The following CALR variants were observed in gnomAD, a reference collection of about 807,000 sequenced individuals.
The protein encoded by CALR is CRP55.
Under a neutral mutation model 51.1 loss-of-function variants are expected in CALR, and 15 were observed. The ratio of observed to expected loss-of-function variants is 0.29; its 90% CI spans 0.20 to 0.45. The LOEUF is 0.45. Ranked by LOEUF, CALR falls within the 20% of genes least tolerant of loss-of-function variation. The pLI is 1.00. For missense variants in CALR, 477 were observed against 530.6 expected (o/e 0.90, Z 0.99); for synonymous variants, 239 against 205.9 (o/e 1.16, Z -1.38).
At chr19:12,939,027 G>C (rs939458679) in intron 1 of CALR, 107 bp from the exon 2 acceptor site, 1 of 762,898 alleles carries the variant, frequency 1.3e-6, no homozygotes, top group African/African-American at 1.7e-5. Flanking sequence ...GGGGAGTGTC[G>C]GGGATCTCCT....
chr19:12,941,262 T>G (rs2146017006), intron 7 of CALR, among the ~76,000 whole-genome samples: 1 of 152,156 alleles, frequency 6.6e-6, no homozygotes, highest in South Asian at 2.1e-4. Flanking sequence ...TCAACCTAGC[T>G]TGGCAACACA....
At chr19:12,943,425 C>A in intron 7 of CALR, 112 bp from the exon 8 acceptor site, 1 of 923,260 alleles carries the variant, frequency 1.1e-6, no homozygotes, top group Non-Finnish European at 1.8e-6. Flanking sequence ...CTTGTCTTCT[C>A]TGCAGATGCA....
rs891306648 is a variant in CALR at position 12,939,420 on chromosome 19, C to T, written c.194-8C>T. On this transcript the variant is annotated splice_polypyrimidine_tract_variant and splice_region_variant and intron_variant, in intron 2 of 8. Transcript: ENST00000316448. Reference sequence around the variant, plus strand: ...CCCAACGGTGACCTCACTACCGTCCCGTCTCAGGTTTGCAGACAAGCCAGG... The same window carrying T: ...CCCAACGGTGACCTCACTACCGTCCTGTCTCAGGTTTGCAGACAAGCCAGG... The T allele has an allele frequency of 8.7e-6, 14 of 1,612,168 alleles. No individual in the cohort carries two copies. The highest frequency in any genetic ancestry group is 1.1e-5 in the Non-Finnish European group (13 of 1,179,898).
chr19:12,939,366 T>C lies in CALR; in HGVS notation c.194-62T>C. 3 of 1,555,584 alleles carry C rather than the reference T, an allele frequency of 1.9e-6. No homozygotes were observed. The South Asian group carries it at 3.3e-5, about 17-fold the overall frequency. ...GGAAGTGGGGGAGTCTTCTCTATTCTCTAAGTCGAGGGTCCTCGCGAGTCA... is the reference window on the plus strand; with the variant it reads ...GGAAGTGGGGGAGTCTTCTCTATTCCCTAAGTCGAGGGTCCTCGCGAGTCA... On this transcript the variant is annotated intron_variant, in intron 2 of 8. Transcript: ENST00000316448.
chr19:12,942,722 G>A (rs1040577892), intron 7 of CALR, among the ~76,000 whole-genome samples: 24 of 150,802 alleles, frequency 1.6e-4, no homozygotes, highest in African/African-American at 5.9e-4. Flanking sequence ...ATCCTCTCGA[G>A]CAGCTGGAAT....
chr19:12,939,007 A>G (rs1217994717), intron 1 of CALR, 127 bp from the exon 2 acceptor site: 4 of 731,268 alleles, frequency 5.5e-6, no homozygotes, highest in Non-Finnish European at 9.8e-6. Flanking sequence ...GTCAAACTAG[A>G]GGTTGGAATG....
At chr19:12,939,289 C>T in intron 2 of CALR, 54 bp downstream of exon 2, 1 of 1,441,118 alleles carries the variant, frequency 6.9e-7, no homozygotes, top group South Asian at 1.2e-5. Context: ...GGCAGAAGTC[C>T]TTGTCTGTAC....
chr19:12,943,531 C>T lies in CALR; in HGVS notation c.961-6C>T, dbSNP rs1325546054. 1.2e-6 allele frequency: 2 copies of T among 1,613,264 alleles called. No homozygotes were observed. Among genetic ancestry groups the T allele is most frequent in the Non-Finnish European group, 1.7e-6 (2 of 1,179,334 alleles). On this transcript the variant is annotated splice_polypyrimidine_tract_variant and splice_region_variant and intron_variant, in intron 7 of 8. Transcript: ENST00000316448. ...CCTCTGACCATCCTTCCCATTCATCCTCCAGGTCAAGTCTGGCACCATCTT... is the reference window on the plus strand; with the variant it reads ...CCTCTGACCATCCTTCCCATTCATCTTCCAGGTCAAGTCTGGCACCATCTT...
chr19:12,938,609 G>C lies in CALR; in HGVS notation c.-71G>C. 8.2e-7 allele frequency: 1 copy of C among 1,214,448 alleles called. No homozygotes were observed. Among genetic ancestry groups the C allele is most frequent in the Non-Finnish European group, 1.2e-6 (1 of 842,370 alleles). 75.2% of individuals were successfully genotyped at this position (1,214,448 alleles called of 1,614,324 possible). A position where few individuals can be genotyped will look rare whatever the true frequency, so the allele number is the denominator to read the frequency against. On this transcript the variant is annotated 5_prime_UTR_variant, in exon 1 of 9. Coordinates refer to ENST00000316448, the MANE Select transcript of CALR (RefSeq NM_004343.4). ...AAGTGCAAGGCGGGCGGCGGCGTCC[G>C]TCCGTACTGCAGAGCCGCTGCCGGA...
Position 12,941,015 on chromosome 19 carries a change from C to T in CALR, c.960+128C>T, listed in dbSNP as rs73505370. 0.014 allele frequency: 11,972 copies of T among 867,026 alleles called. 1,010 individuals carry two copies. In the African/African-American group the frequency reaches 0.18, roughly 13 times the overall value. 53.7% of individuals were successfully genotyped at this position (867,026 alleles called of 1,614,324 possible). On this transcript the variant is annotated intron_variant, in intron 7 of 8. Coordinates refer to ENST00000316448, the MANE Select transcript of CALR (RefSeq NM_004343.4). ...AAAATGGTACTTCTTGTAAACAGTA[C>T]TTCCTGGTCTGTCCCTGTGAAGTCC...
At chr19:12,939,373 C>T in intron 2 of CALR, 55 bp from the exon 3 acceptor site, 4 of 1,566,844 alleles carry the variant, frequency 2.6e-6, no homozygotes, top group Non-Finnish European at 3.5e-6. Flanking sequence ...TTCTCTAAGT[C>T]GAGGGTCCTC....
At position 12,940,278 on chromosome 19, in the gene CALR, G is replaced by A. The variant is rs748490897; in HGVS notation, c.528G>A (p.Val176=). 4 of 1,614,092 alleles carry A rather than the reference G, an allele frequency of 2.5e-6. No homozygotes were observed. Among genetic ancestry groups the A allele is most frequent in the East Asian group, 4.5e-5 (2 of 44,906 alleles). Residue 176 remains valine, a synonymous_variant, in exon 5 of 9, where the codon GTG becomes GTA. Transcript: ENST00000316448. ...DEFTHLYTLI[V]RPDNTYEVKI... Reference sequence around the variant, plus strand: ...TTACACACCTGTACACACTGATTGTGCGGCCAGACAACACCTATGAGGTGA... The same window carrying A: ...TTACACACCTGTACACACTGATTGTACGGCCAGACAACACCTATGAGGTGA...
chr19:12,938,624 C>A lies in CALR; in HGVS notation c.-56C>A. 7.3e-7 allele frequency: 1 copy of A among 1,374,684 alleles called. No individual in the cohort carries two copies. Among genetic ancestry groups the A allele is most frequent in the Non-Finnish European group, 1.0e-6 (1 of 984,718 alleles). 85.2% of individuals were successfully genotyped at this position (1,374,684 alleles called of 1,614,324 possible). On this transcript the variant is annotated 5_prime_UTR_variant, in exon 1 of 9. Coordinates refer to ENST00000316448, the MANE Select transcript of CALR (RefSeq NM_004343.4). ...GGCGGCGTCCGTCCGTACTGCAGAG[C>A]CGCTGCCGGAGGGTCGTTTTAAAGG... is the stretch of plus-strand genomic sequence containing the variant.
chr19:12,940,012 G>A, intron 3 of CALR, 41 bp from the exon 4 acceptor site: 1 of 1,354,314 alleles, frequency 7.4e-7, no homozygotes, highest in East Asian at 2.3e-5. Flanking sequence ...TCGAGATGAT[G>A]GGTAGTCTCT....
Position 12,943,379 on chromosome 19 carries a change from C to T in CALR, c.961-158C>T. On this transcript the variant is annotated intron_variant, in intron 7 of 8. Coordinates refer to ENST00000316448, the MANE Select transcript of CALR (RefSeq NM_004343.4). ...ACAGGCGTGATCCACCTCACCTGGC[C>T]TCTCCATCTTTTTAACTGCAGTGTC... 24 of 722,926 alleles carry T rather than the reference C, an allele frequency of 3.3e-5. No homozygotes were observed. In the South Asian group the frequency reaches 3.8e-4, roughly 11 times the overall value. 44.8% of individuals were successfully genotyped at this position (722,926 alleles called of 1,614,324 possible). A position where few individuals can be genotyped will look rare whatever the true frequency, so the allele number is the denominator to read the frequency against.
At chr19:12,939,101 C>G (rs1340760143) in intron 1 of CALR, 33 bp from the exon 2 acceptor site, 26 of 1,283,370 alleles carry the variant, frequency 2.0e-5, no homozygotes, top group Non-Finnish European at 2.9e-5. Context: ...TTAGCACAGC[C>G]GCTCTGACCT....
intron 7 of CALR, among the ~76,000 whole-genome samples, chr19:12,942,126 A>G (rs12232837): frequency 3.7e-4 from 56 of 151,828 alleles, no homozygotes; most frequent in Non-Finnish European, 6.2e-4. Flanking sequence ...TTGGGAGGCC[A>G]AGGCGGGTGG....
Position 12,938,767 on chromosome 19 carries a change from G to C in CALR, c.88G>C (p.Gly30Arg), listed in dbSNP as rs1199946705. 1.2e-6 allele frequency: 2 copies of C among 1,607,948 alleles called. No homozygotes were observed. The highest frequency in any genetic ancestry group is 1.7e-5 in the Admixed American group (1 of 59,658). ...AVYFKEQFLDGDGWTSRWIES... is the reference protein window; with the variant it reads ...AVYFKEQFLDRDGWTSRWIES... ...CTACTTCAAGGAGCAGTTTCTGGAC[G>C]GAGGTAACGCCTGGTCCCGCCTCGA... Residue 30 changes from glycine (G) to arginine (R), a missense_variant, in exon 1 of 9, where the codon GGA (glycine) becomes CGA (arginine). Coordinates refer to ENST00000316448, the MANE Select transcript of CALR (RefSeq NM_004343.4).
intron 2 of CALR, 44 bp from the exon 3 acceptor site, chr19:12,939,384 G>A (rs765577930): frequency 1.3e-6 from 2 of 1,595,612 alleles, no homozygotes; most frequent in Admixed American, 3.3e-5. Flanking sequence ...GAGGGTCCTC[G>A]CGAGTCAAGG....
Sources: allele counts gnomAD v4.1 joint callset (sites outside exome capture counted in the v4.1 genomes callset), GRCh38; gene constraint gnomAD v4.1.1; transcripts MANE v1.5; gene names NCBI Gene and HGNC (gene_info 2026-07-23, HGNC 2026-07-21).